Variants in MS4A4E observed in about 807,000 individuals in gnomAD.
The protein encoded by MS4A4E is putative membrane-spanning 4-domains subfamily A member 4E.
A neutral mutation model predicts 13.3 loss-of-function variants in MS4A4E; 23 were observed. The ratio of observed to expected loss-of-function variants is 1.73; its 90% CI spans 1.25 to 2.45. The LOEUF (loss-of-function observed/expected upper bound fraction) is 2.45, where lower values mean the gene tolerates loss of function less well. MS4A4E is among the 30% of genes most tolerant of loss of function. The pLI, the probability that MS4A4E is intolerant of heterozygous loss-of-function variation, is 0.00. For missense variants in MS4A4E, 144 were observed against 131.2 expected (o/e 1.10, Z -0.48); for synonymous variants, 36 against 45.6 (o/e 0.79, Z 0.85).
Position 60,242,983 on chromosome 11 carries a change from T to G in MS4A4E, c.-42A>C. 6.3e-7 allele frequency: 1 copy of G among 1,584,356 alleles called. No homozygotes were observed. Among genetic ancestry groups the G allele is most frequent in the East Asian group, 2.3e-5 (1 of 44,168 alleles). On this transcript the variant is annotated 5_prime_UTR_variant, in exon 1 of 9. Transcript: ENST00000651255. ...CTTTCTTCAGGCCTGCAATGTCTGC[T>G]GCAGGTCTGATGAGTGCAGGGCTCT...
intron 5 of MS4A4E, among the ~76,000 whole-genome samples, chr11:60,212,109 A>G (rs2084129931): frequency 6.6e-6 from 1 of 152,178 alleles, no homozygotes; most frequent in Non-Finnish European, 1.5e-5. Flanking sequence ...TTGAGATAGC[A>G]TTGAAATAAG....
chr11:60,219,665 A>G (rs1262323973), intron 3 of MS4A4E, among the ~76,000 whole-genome samples: 1 of 152,186 alleles, frequency 6.6e-6, no homozygotes, highest in African/African-American at 2.4e-5. Flanking sequence ...CCACTATACT[A>G]CTGACAATTT....
intron 8 of MS4A4E, among the ~76,000 whole-genome samples, chr11:60,203,172 CT>C (rs879780224): frequency 1.1e-4 from 16 of 152,168 alleles, no homozygotes; most frequent in Admixed American, 4.6e-4. Flanking sequence ...TTATGTTAAT[CT>C]TTAGCTTATT....
chr11:60,204,020 T>G (rs369760528), intron 8 of MS4A4E, among the ~76,000 whole-genome samples: 13 of 152,378 alleles, frequency 8.5e-5, no homozygotes, highest in Middle Eastern at 3.4e-3. Context: ...AATCTTAGGT[T>G]GCTTATGTAA....
At chr11:60,215,320 A>G (rs1413977320) in intron 3 of MS4A4E, among the ~76,000 whole-genome samples, 1 of 151,978 alleles carries the variant, frequency 6.6e-6, no homozygotes, top group African/African-American at 2.4e-5. Flanking sequence ...GAAAAAAAAT[A>G]ACAGTAGAGC....
intron 4 of MS4A4E, among the ~76,000 whole-genome samples, chr11:60,214,027 C>T (rs2084159174): frequency 1.3e-5 from 2 of 152,050 alleles, no homozygotes; most frequent in South Asian, 4.2e-4. Flanking sequence ...GCCTCAGCCT[C>T]CTGAGTAGCT....
rs141693323 is a variant in MS4A4E, at chr11:60,220,119, T to A, written c.179-5505A>T. Among the ~76,000 whole-genome samples, 225 of 152,296 alleles carry A rather than the reference T, an allele frequency of 1.5e-3. 6 individuals carry two copies. Among genetic ancestry groups the A allele is most frequent in the Admixed American group, 0.012 (182 of 15,298 alleles). On this transcript the variant is annotated intron_variant, in intron 3 of 8. Transcript: ENST00000651255. ...TAAATCAACAACAATATCCCATCCCTGAAGGGATTGCAGACATTAGTGCCA... is the reference window on the plus strand; with the variant it reads ...TAAATCAACAACAATATCCCATCCCAGAAGGGATTGCAGACATTAGTGCCA...
At chr11:60,206,434 A>G (rs899236157) in intron 6 of MS4A4E, among the ~76,000 whole-genome samples, 2 of 137,046 alleles carry the variant, frequency 1.5e-5, no homozygotes, top group African/African-American at 5.9e-5. Context: ...GTTCCAGGGG[A>G]AAAAATGAGA....
At chr11:60,242,149 G>A (rs761068311) in intron 1 of MS4A4E, among the ~76,000 whole-genome samples, 3 of 152,188 alleles carry the variant, frequency 2.0e-5, no homozygotes, top group African/African-American at 7.2e-5. Flanking sequence ...AGAAATGGTG[G>A]CATGGGAAGG....
At position 60,200,424 on chromosome 11, in the gene MS4A4E, A is replaced by G. The variant is rs1346049321; in HGVS notation, c.*1119T>C. On this transcript the variant is annotated 3_prime_UTR_variant, in exon 9 of 9. Transcript: ENST00000651255. ...ACAAAGGTCTCTGGTTTTCCTAGGCAGAGGACCCTGCGGCCTTCCGAGGTG... is the reference window on the plus strand; with the variant it reads ...ACAAAGGTCTCTGGTTTTCCTAGGCGGAGGACCCTGCGGCCTTCCGAGGTG... 6.6e-6 allele frequency among the ~76,000 whole-genome samples: 1 copy of G among 152,100 alleles called. No homozygotes were observed. Among genetic ancestry groups the G allele is most frequent in the Non-Finnish European group, 1.5e-5 (1 of 67,984 alleles).
intron 1 of MS4A4E, among the ~76,000 whole-genome samples, chr11:60,241,002 TTTA>T (rs1377977337): frequency 2.9e-5 from 1 of 34,732 alleles, no homozygotes; most frequent in Non-Finnish European, 6.6e-5. Flanking sequence ...GTACTTTTTA[TTTA>T]TTTATTTATT....
chr11:60,218,440 ACTGGTT>A (rs2084224964), intron 3 of MS4A4E, among the ~76,000 whole-genome samples: 1 of 152,058 alleles, frequency 6.6e-6, no homozygotes, highest in East Asian at 1.9e-4. Context: ...ATAAAAACTT[ACTGGTT>A]TTTGCAGCTT....
chr11:60,207,701 A>G (rs995284948), intron 6 of MS4A4E, among the ~76,000 whole-genome samples: 3 of 152,138 alleles, frequency 2.0e-5, no homozygotes, highest in Non-Finnish European at 4.4e-5. Context: ...GGGTTTTACT[A>G]TCCATTTCCT....
intron 1 of MS4A4E, among the ~76,000 whole-genome samples, chr11:60,241,030 T>C (rs973780697): frequency 1.3e-5 from 2 of 148,430 alleles, no homozygotes; most frequent in African/African-American, 2.5e-5. Flanking sequence ...TATTTACTTA[T>C]TTATTTATTT....
intron 3 of MS4A4E, chr11:60,225,000 C>A (rs199719139): frequency 6.3e-5 from 97 of 1,540,156 alleles, no homozygotes; most frequent in Non-Finnish European, 8.1e-5. Context: ...GCAACATACA[C>A]AAAAATGGGA....
Position 60,208,575 on chromosome 11 carries a change from A to G in MS4A4E, c.483+18T>C. ...ACAAAAGTAATACAGATACCTTCAAATGAAGGCCAATACTGACCTCACTGG... is the reference window on the plus strand; with the variant it reads ...ACAAAAGTAATACAGATACCTTCAAGTGAAGGCCAATACTGACCTCACTGG... On this transcript the variant is annotated intron_variant, in intron 6 of 8. Transcript: ENST00000651255. 1.1e-6 allele frequency: 1 copy of G among 940,256 alleles called. No homozygotes were observed. Among genetic ancestry groups the G allele is most frequent in the Non-Finnish European group, 1.6e-6 (1 of 606,634 alleles). 58.2% of individuals were successfully genotyped at this position (940,256 alleles called of 1,614,324 possible). A position where few individuals can be genotyped will look rare whatever the true frequency, so the allele number is the denominator to read the frequency against.
At chr11:60,237,348 T>C (rs368693587) in intron 1 of MS4A4E, among the ~76,000 whole-genome samples, 1 of 152,252 alleles carries the variant, frequency 6.6e-6, no homozygotes, top group East Asian at 1.9e-4. Flanking sequence ...CAGCCTACTA[T>C]TGATGGGCAT....
Position 60,211,878 on chromosome 11 carries a change from G to A in MS4A4E, c.381+1096C>T, listed in dbSNP as rs1039469050. On this transcript the variant is annotated intron_variant, in intron 5 of 8. Transcript: ENST00000651255. ...CAATGAGCAGAGATTGTGCCACCAC[G>A]TGCATTGTGAACTGCACTGCACTCC... Among the ~76,000 whole-genome samples the A allele has an allele frequency of 1.5e-4, 23 of 152,088 alleles. No homozygotes were observed. In the East Asian group the frequency reaches 1.5e-3, roughly 10 times the overall value.
chr11:60,234,659 G>A (rs2084457222), intron 1 of MS4A4E, among the ~76,000 whole-genome samples: 1 of 151,768 alleles, frequency 6.6e-6, no homozygotes, highest in South Asian at 2.1e-4. Flanking sequence ...TATAAGAACT[G>A]TAGAACTGCA....
Sources: allele counts gnomAD v4.1 joint callset (sites outside exome capture counted in the v4.1 genomes callset), GRCh38; gene constraint gnomAD v4.1.1; transcripts MANE v1.5; gene names NCBI Gene and HGNC (gene_info 2026-07-23, HGNC 2026-07-21).